Variants in MSANTD2 observed in about 807,000 individuals in gnomAD.
MSANTD2 encodes the protein myb/SANT-like DNA-binding domain-containing protein 2.
A neutral mutation model predicts 52.6 loss-of-function variants in MSANTD2; 19 were observed. The ratio of observed to expected loss-of-function variants is 0.36; its 90% CI spans 0.25 to 0.53. MSANTD2 has a LOEUF of 0.53. MSANTD2 is among the 20% of genes least tolerant of loss of function. The pLI, the probability that MSANTD2 is intolerant of heterozygous loss-of-function variation, is 0.91. For synonymous variants in MSANTD2, 291 were observed against 289.7 expected (o/e 1.00, Z -0.04); for missense variants, 558 against 716.3 (o/e 0.78, Z 2.52).
intron 1 of MSANTD2, among the ~76,000 whole-genome samples, chr11:124,788,081 C>CA (rs113281012): frequency 0.08 from 8,567 of 107,446 alleles, 524 homozygotes; most frequent in African/African-American, 0.2. Context: ...GACCCTGTCT[C>CA]AAAAAAAAAA....
chr11:124,767,035 T>C lies in MSANTD2; in HGVS notation c.*141A>G, dbSNP rs866388173. 3.2e-5 allele frequency: 27 copies of C among 843,242 alleles called. No individual in the cohort carries two copies. Among genetic ancestry groups the C allele is most frequent in the Middle Eastern group, 7.4e-4 (2 of 2,720 alleles). The allele number at this position is 843,242 out of a possible 1,614,324, so 52.2% of individuals were successfully genotyped here. On this transcript the variant is annotated 3_prime_UTR_variant, in exon 4 of 4. Coordinates refer to ENST00000374979, the MANE Select transcript of MSANTD2 (RefSeq NM_001308027.2). This position sits in a 1 kb window ranked among gnomAD's most constrained non-coding sequence, Gnocchi z 6.5. The stretch of plus-strand genomic sequence containing the variant: ...TCTGGCCCAAGTCTACTATGATTCC[T>C]TAGAAGTCGTACTGGCCCAATTGAA...
At chr11:124,771,911 G>GT (rs1359475959) in intron 3 of MSANTD2, among the ~76,000 whole-genome samples, 1 of 152,146 alleles carries the variant, frequency 6.6e-6, no homozygotes, top group Non-Finnish European at 1.5e-5. Flanking sequence ...AGGTTAACAG[G>GT]TAAAAAAAAT....
chr11:124,786,284 TTTC>T (rs772891532), intron 1 of MSANTD2, among the ~76,000 whole-genome samples: 3 of 152,098 alleles, frequency 2.0e-5, no homozygotes, highest in Non-Finnish European at 4.4e-5. Flanking sequence ...CATTCTCTGT[TTTC>T]TTATTTCCTG....
intron 1 of MSANTD2, among the ~76,000 whole-genome samples, chr11:124,785,708 G>A (rs182393474): frequency 4.4e-4 from 67 of 152,074 alleles, no homozygotes; most frequent in East Asian, 4.2e-3. Flanking sequence ...GGGGACTAGC[G>A]TCTCATTCCT....
In MSANTD2 at chr11:124,777,902, G is replaced by GA. The variant is rs11367972; in HGVS notation, c.511-2929dup. On this transcript the variant is annotated intron_variant, in intron 1 of 3. Transcript: ENST00000374979. ...AGGCTATTTAAATCACATCAACTAA[G>GA]AAAAAAAAAGAGTAAGAACTGAAAC... Among the ~76,000 whole-genome samples, 855 of 151,220 alleles carry GA rather than the reference G, an allele frequency of 5.7e-3. 12 individuals are homozygous for GA. Among genetic ancestry groups the GA allele is most frequent in the African/African-American group, 0.02 (816 of 41,388 alleles).
intron 3 of MSANTD2, among the ~76,000 whole-genome samples, chr11:124,769,169 G>A (rs1233024991): frequency 6.6e-6 from 1 of 152,196 alleles, no homozygotes; most frequent in Admixed American, 6.5e-5. Flanking sequence ...CCTTCTAGGG[G>A]AGGAGCTTTG....
At chr11:124,798,078 G>T (rs1246408576) in intron 1 of MSANTD2, among the ~76,000 whole-genome samples, 1 of 151,932 alleles carries the variant, frequency 6.6e-6, no homozygotes. Context: ...ATGGATAGAC[G>T]CTAGCCAAGA....
At chr11:124,799,277 A>G (rs1456219563) in intron 1 of MSANTD2, among the ~76,000 whole-genome samples, 4 of 152,326 alleles carry the variant, frequency 2.6e-5, no homozygotes, top group South Asian at 4.1e-4. Flanking sequence ...ACAATACACA[A>G]TCTGGCTACA....
intron 3 of MSANTD2, among the ~76,000 whole-genome samples, chr11:124,771,337 C>T (rs796805558): frequency 2.0e-5 from 3 of 152,184 alleles, no homozygotes; most frequent in African/African-American, 7.2e-5. Context: ...GGGGGAAAAA[C>T]TCCTCATCCC....
rs993890667 is a variant in MSANTD2, at chr11:124,767,087, G to T, written c.*89C>A. ...AAAGGGTTTCCATGAAGAGTCTGAC[G>T]GCGGCATCTGGATGAGGGGTGGTCC... On this transcript the variant is annotated 3_prime_UTR_variant, in exon 4 of 4. Coordinates refer to ENST00000374979, the MANE Select transcript of MSANTD2 (RefSeq NM_001308027.2). This position sits in a 1 kb window ranked among gnomAD's most constrained non-coding sequence, Gnocchi z 6.5. The T allele has an allele frequency of 1.5e-6, 2 of 1,292,914 alleles. No individual in the cohort carries two copies. The highest frequency in any genetic ancestry group is 2.1e-6 in the Non-Finnish European group (2 of 935,106). 80.1% of individuals were successfully genotyped at this position (1,292,914 alleles called of 1,614,324 possible). A position where few individuals can be genotyped will look rare whatever the true frequency, so the allele number is the denominator to read the frequency against.
rs145356401 is a variant in MSANTD2 at position 124,779,547 on chromosome 11, C to A, written c.511-4573G>T. On this transcript the variant is annotated intron_variant, in intron 1 of 3. Coordinates refer to ENST00000374979, the MANE Select transcript of MSANTD2 (RefSeq NM_001308027.2). The surrounding 1 kb of genome is among the most constrained non-coding windows in gnomAD (Gnocchi z 4.6). ...ATAACGTGGAGGAACAGAAATAAGG[C>A]ATAACAGCTATATAAATGTATTGTT... Among the ~76,000 whole-genome samples the A allele has an allele frequency of 4.6e-5, 7 of 152,252 alleles. No individual in the cohort carries two copies. The East Asian group carries it at 1.2e-3, about 25-fold the overall frequency.
intron 1 of MSANTD2, among the ~76,000 whole-genome samples, chr11:124,787,121 CATT>C (rs1220970116): frequency 1.3e-5 from 2 of 152,132 alleles, no homozygotes; most frequent in Admixed American, 6.6e-5. Flanking sequence ...TAAATGTTTG[CATT>C]ATTATTATAA....
chr11:124,793,772 C>T (rs1305111833), intron 1 of MSANTD2, among the ~76,000 whole-genome samples: 2 of 150,840 alleles, frequency 1.3e-5, no homozygotes, highest in Non-Finnish European at 2.9e-5. Flanking sequence ...TTATTCCTGG[C>T]ACCACCTCCT....
intron 1 of MSANTD2, among the ~76,000 whole-genome samples, chr11:124,796,684 T>A (rs1945505167): frequency 6.6e-6 from 1 of 152,254 alleles, no homozygotes; most frequent in African/African-American, 2.4e-5. Context: ...ATATTCCTTC[T>A]CTGTGAGCCT....
intron 1 of MSANTD2, among the ~76,000 whole-genome samples, chr11:124,795,666 G>A (rs1241904709): frequency 6.6e-6 from 1 of 152,110 alleles, no homozygotes; most frequent in Middle Eastern, 3.2e-3. Flanking sequence ...GACTACAGGA[G>A]TGTATATTAT....
intron 1 of MSANTD2, among the ~76,000 whole-genome samples, chr11:124,797,685 C>T (rs915209444): frequency 6.6e-6 from 1 of 152,118 alleles, no homozygotes; most frequent in South Asian, 2.1e-4. Flanking sequence ...CACTTTAAAA[C>T]ACAAAACAGT....
In MSANTD2 at chr11:124,767,389, T is replaced by C; in HGVS notation, c.1467A>G (p.Leu489=). 5 of 1,614,160 alleles carry C rather than the reference T, an allele frequency of 3.1e-6. No individual in the cohort carries two copies. Among genetic ancestry groups the C allele is most frequent in the Non-Finnish European group, 4.2e-6 (5 of 1,180,030 alleles). ...TGGTATTCGCTTGGAAATGTAAAAATAAGCACTGCTGTAGAGTCCTGACCT... is the reference window on the plus strand; with the variant it reads ...TGGTATTCGCTTGGAAATGTAAAAACAAGCACTGCTGTAGAGTCCTGACCT... ...IAEVRTLQQC[L]FLHFQANTKT... is the part of the protein sequence containing the mutation. Residue 489 remains leucine, a synonymous_variant, in exon 4 of 4, where the codon TTA becomes TTG. Transcript: ENST00000374979. The surrounding 1 kb of genome is among the most constrained non-coding windows in gnomAD (Gnocchi z 6.5).
At chr11:124,799,211 T>G (rs1432027371) in intron 1 of MSANTD2, among the ~76,000 whole-genome samples, 2 of 152,190 alleles carry the variant, frequency 1.3e-5, no homozygotes, top group Non-Finnish European at 2.9e-5. Flanking sequence ...ACAATCCAAA[T>G]TCCAGACCAA....
rs1476614838 is a variant in MSANTD2 at position 124,799,919 on chromosome 11, G to A, written c.462C>T (p.Ala154=). 3 of 1,585,180 alleles carry A rather than the reference G, an allele frequency of 1.9e-6. No individual in the cohort carries two copies. The highest frequency in any genetic ancestry group is 2.6e-6 in the Non-Finnish European group (3 of 1,174,000). ...ACGGGGTCCGCTCGTAGCCCAGCTC[G>A]GCCAGGGCCCGGGACACGCGCTCGT... The part of the protein sequence containing the change: ...AMYERVSRAL[A]ELGYERTPSQ... Residue 154 remains alanine (A), a synonymous_variant, in exon 1 of 4, where the codon GCC becomes GCT. Transcript: ENST00000374979.
Sources: allele counts gnomAD v4.1 joint callset (sites outside exome capture counted in the v4.1 genomes callset), GRCh38; gene constraint gnomAD v4.1.1; non-coding constraint Gnocchi (gnomAD v3.1); transcripts MANE v1.5; gene names NCBI Gene and HGNC (gene_info 2026-07-23, HGNC 2026-07-21).